The following HYDIN variants were observed in gnomAD, a reference collection of about 807,000 sequenced individuals.
The protein encoded by HYDIN is axonemal central pair apparatus protein HYDIN.
A neutral mutation model predicts 403.9 loss-of-function variants in HYDIN; 132 were observed. The observed-to-expected ratio is 0.33, with a 90% confidence interval of 0.28 to 0.38. The LOEUF (loss-of-function observed/expected upper bound fraction) is 0.38, where lower values mean the gene tolerates loss of function less well. Ranked by LOEUF, HYDIN falls within the 10% of genes least tolerant of loss-of-function variation. The pLI, the probability that HYDIN is intolerant of heterozygous loss-of-function variation, is 1.00. For synonymous variants in HYDIN, 1,202 were observed against 1,891.7 expected, an observed-to-expected ratio of 0.64 and a Z score of 9.46; for missense variants, 2,827 against 5,009.5, an observed-to-expected ratio of 0.56 and a Z score of 13.15.
intron 18 of HYDIN, among the ~76,000 whole-genome samples, chr16:71,054,068 C>A (rs1450897695): frequency 6.6e-6 from 1 of 152,222 alleles, no homozygotes. Context: ...CACCGCAAAC[C>A]TTAAGGGGAG....
chr16:71,228,673 C>T (rs148942344), intron 1 of HYDIN, among the ~76,000 whole-genome samples: 6,045 of 152,192 alleles, frequency 0.04, 442 homozygotes, highest in African/African-American at 0.14. Context: ...CTGGAGAGGA[C>T]GTGGAGAAAT....
chr16:70,996,233 G>A (rs2079528337), intron 23 of HYDIN, among the ~76,000 whole-genome samples: 1 of 152,178 alleles, frequency 6.6e-6, no homozygotes, highest in Non-Finnish European at 1.5e-5. Flanking sequence ...GTTCTCCTGA[G>A]AGCCCTCCCT....
intron 53 of HYDIN, 88 bp downstream of exon 53, chr16:70,900,916 G>A (rs1322671474): frequency 9.7e-6 from 1 of 103,426 alleles, no homozygotes; most frequent in Non-Finnish European, 1.7e-5. Context: ...GGAGACCTCT[G>A]TGTGTGTGTG....
chr16:70,818,706 A>T, intron 83 of HYDIN, 134 bp from the exon 84 acceptor site: 2 of 576,374 alleles, frequency 3.5e-6, no homozygotes, highest in South Asian at 4.0e-5. Flanking sequence ...GGCTGACAGG[A>T]CGCTCGCAGC....
intron 7 of HYDIN, among the ~76,000 whole-genome samples, chr16:71,150,885 A>G (rs2085511444): frequency 2.0e-5 from 3 of 152,196 alleles, no homozygotes; most frequent in African/African-American, 7.2e-5. Flanking sequence ...ATAAGCAAAG[A>G]AAGGTCTTGA....
rs1395946621 is a variant in HYDIN at position 70,806,683 on chromosome 16, G to A, written c.*897C>T. Among the ~76,000 whole-genome samples, 1 of 152,166 alleles carries A rather than the reference G, an allele frequency of 6.6e-6. No homozygotes were observed. The highest frequency in any genetic ancestry group is 6.5e-5 in the Admixed American group (1 of 15,276). The stretch of plus-strand genomic sequence containing the variant: ...GGGCTGTGGGGGATGAGTGTGGGGA[G>A]CAGGTAGAGGCAGGGGGACCCTCCG... On this transcript the variant is annotated 3_prime_UTR_variant, in exon 86 of 86. Coordinates refer to ENST00000393567, the MANE Select transcript of HYDIN (RefSeq NM_001270974.2).
Position 70,948,490 on chromosome 16 carries a change from C to T in HYDIN, c.6531+3931G>A, listed in dbSNP as rs930826641. 1.4e-3 allele frequency among the ~76,000 whole-genome samples: 209 copies of T among 150,242 alleles called. 1 individual carries two copies. The highest frequency in any genetic ancestry group is 0.014 in the Middle Eastern group (4 of 290). ...ATTAAACTAAAGAGCTTCTGCACAGCAAAAGAAACTACCATCAGAGTGAAC... is the reference window on the plus strand; with the variant it reads ...ATTAAACTAAAGAGCTTCTGCACAGTAAAAGAAACTACCATCAGAGTGAAC... On this transcript the variant is annotated intron_variant, in intron 41 of 85. Transcript: ENST00000393567.
chr16:71,195,650 T>G (rs1041820889), intron 1 of HYDIN, among the ~76,000 whole-genome samples: 3 of 152,154 alleles, frequency 2.0e-5, no homozygotes, highest in Non-Finnish European at 4.4e-5. Flanking sequence ...AAAACTGGAT[T>G]ATTTCAGGTT....
chr16:71,120,749 CT>C (rs1186191419), intron 9 of HYDIN, among the ~76,000 whole-genome samples: 2 of 150,966 alleles, frequency 1.3e-5, no homozygotes, highest in African/African-American at 4.9e-5. Context: ...TCTTGCCCCC[CT>C]CCCAAAAAAA....
intron 9 of HYDIN, among the ~76,000 whole-genome samples, chr16:71,126,338 T>C (rs7204130): frequency 6.6e-6 from 1 of 152,128 alleles, no homozygotes; most frequent in Non-Finnish European, 1.5e-5. Flanking sequence ...ACTTCTGTCA[T>C]GTCAGAGGAC....
chr16:70,848,251 A>G (rs1263077440), intron 75 of HYDIN, among the ~76,000 whole-genome samples: 1 of 147,908 alleles, frequency 6.8e-6, no homozygotes, highest in African/African-American at 2.5e-5. Context: ...TTATCTAGAC[A>G]TGGTGTCCTA....
chr16:70,885,437 G>A (rs983580981), intron 58 of HYDIN, among the ~76,000 whole-genome samples: 2 of 150,982 alleles, frequency 1.3e-5, no homozygotes, highest in African/African-American at 4.9e-5. Flanking sequence ...GAGAAGGTTG[G>A]AGAATAGTAG....
chr16:71,201,365 TA>T (rs755869662), intron 1 of HYDIN, among the ~76,000 whole-genome samples: 2 of 152,120 alleles, frequency 1.3e-5, no homozygotes, highest in Non-Finnish European at 2.9e-5. Context: ...TATCTTCATT[TA>T]AAAAAAGAAT....
At chr16:71,193,743 A>C (rs2087552753) in intron 1 of HYDIN, among the ~76,000 whole-genome samples, 1 of 152,190 alleles carries the variant, frequency 6.6e-6, no homozygotes, top group Non-Finnish European at 1.5e-5. Flanking sequence ...TGTACGTGTC[A>C]CATTAATAAC....
chr16:71,169,811 C>T (rs1395177369), intron 5 of HYDIN, among the ~76,000 whole-genome samples: 2 of 151,722 alleles, frequency 1.3e-5, no homozygotes, highest in African/African-American at 4.8e-5. Context: ...AATGTTCTCA[C>T]TACAAAAAAA....
rs554036660 is a variant in HYDIN at position 70,850,691 on chromosome 16, G to C, written c.12444-36C>G. Reference sequence around the variant, plus strand: ...AACAAAACAGCAGATTACCTGACTAGGCCAACTTGTCAAAACCTTAAAAAA... The same window carrying C: ...AACAAAACAGCAGATTACCTGACTACGCCAACTTGTCAAAACCTTAAAAAA... On this transcript the variant is annotated intron_variant, in intron 73 of 85. Coordinates refer to ENST00000393567, the MANE Select transcript of HYDIN (RefSeq NM_001270974.2). 4.9e-6 allele frequency: 7 copies of C among 1,435,706 alleles called. No individual in the cohort carries two copies. In the African/African-American group the frequency reaches 8.6e-5, roughly 18 times the overall value. The allele number at this position is 1,435,706 out of a possible 1,614,324, so 88.9% of individuals were successfully genotyped here. A position where few individuals can be genotyped will look rare whatever the true frequency, so the allele number is the denominator to read the frequency against.
At chr16:71,197,676 C>T (rs1030162196) in intron 1 of HYDIN, among the ~76,000 whole-genome samples, 16 of 152,174 alleles carry the variant, frequency 1.1e-4, no homozygotes, top group Non-Finnish European at 1.5e-4. Context: ...CACCCGTAGA[C>T]GCTCTCTCCC....
intron 18 of HYDIN, among the ~76,000 whole-genome samples, chr16:71,043,533 T>C (rs1401897855): frequency 6.7e-6 from 1 of 149,916 alleles, no homozygotes; most frequent in Admixed American, 6.7e-5. Context: ...TCTATCAAAT[T>C]TTAAACTTCT....
chr16:70,970,897 T>C, intron 35 of HYDIN, 138 bp from the exon 36 acceptor site: 1 of 761,314 alleles, frequency 1.3e-6, no homozygotes, highest in East Asian at 2.7e-5. Context: ...ATAAGAGTAA[T>C]TTTTATTACC....
Sources: allele counts gnomAD v4.1 joint callset (sites outside exome capture counted in the v4.1 genomes callset), GRCh38; gene constraint gnomAD v4.1.1; transcripts MANE v1.5; gene names NCBI Gene and HGNC (gene_info 2026-07-23, HGNC 2026-07-21).